HELLS: variants seen among roughly 807,000 people sequenced by gnomAD.
The protein encoded by HELLS is lymphoid-specific helicase.
HELLS carries 32 observed loss-of-function variants against 120.0 expected under a neutral mutation model. The observed-to-expected ratio is 0.27, with a 90% confidence interval of 0.20 to 0.36. HELLS has a LOEUF of 0.36. Ranked by LOEUF, HELLS falls within the 10% of genes least tolerant of loss-of-function variation. HELLS has a pLI of 1.00. For synonymous variants in HELLS, 341 were observed against 323.4 expected (o/e 1.05, Z -0.58); for missense variants, 650 against 993.4 (o/e 0.65, Z 4.65).
At chr10:94,557,106 G>C (rs529369388) in intron 3 of HELLS, 1 of 322,022 alleles carries the variant, frequency 3.1e-6, no homozygotes, top group Non-Finnish European at 6.4e-6. Context: ...TCTTTACCTT[G>C]TTCTGTTCTT....
chr10:94,605,078 C>G (rs953105019), downstream of HELLS, among the ~76,000 whole-genome samples: 30 of 127,584 alleles, frequency 2.4e-4, 3 homozygotes, highest in African/African-American at 8.1e-4. Flanking sequence ...TGTCTCCCCC[C>G]CCCCCCCTTT....
At chr10:94,555,082 G>T (rs772104722) in intron 3 of HELLS, among the ~76,000 whole-genome samples, 3 of 152,136 alleles carry the variant, frequency 2.0e-5, no homozygotes, top group Admixed American at 6.5e-5. Context: ...GATTGAGGCT[G>T]CAGTGAACTG....
Position 94,546,476 on chromosome 10 carries a change from G to C in HELLS, c.131G>C (p.Arg44Thr), listed in dbSNP as rs1414938106. ...EEQLEAAGLE[R>T]ERKMLEKARM... ...CAGCTTGAAGCTGCTGGACTAGAGA[G>C]AGAGCGGAAGATGCTGGAAAAGGTA... Residue 44 changes from arginine (R) to threonine (T), a missense_variant, in exon 2 of 22, where the codon AGA becomes ACA. This residue lies in a region of HELLS where 90 missense variants were observed against 93.6 expected (regional missense o/e 0.96). Transcript: ENST00000348459. 1.9e-6 allele frequency: 3 copies of C among 1,614,160 alleles called. No homozygotes were observed. Among genetic ancestry groups the C allele is most frequent in the Non-Finnish European group, 2.5e-6 (3 of 1,180,042 alleles).
chr10:94,594,529 A>G (rs914072062), intron 18 of HELLS, among the ~76,000 whole-genome samples, 166 bp from the exon 19 acceptor site: 1 of 152,104 alleles, frequency 6.6e-6, no homozygotes, highest in African/African-American at 2.4e-5. Context: ...ATTGTCAAGG[A>G]TCTGTGGAAT....
chr10:94,568,749 A>G (rs1408830815), intron 6 of HELLS, among the ~76,000 whole-genome samples: 2 of 152,192 alleles, frequency 1.3e-5, no homozygotes, highest in African/African-American at 2.4e-5. Context: ...AATCACTAAC[A>G]TTTTGGTATA....
chr10:94,589,165 A>T (rs758813699), intron 13 of HELLS, among the ~76,000 whole-genome samples: 6 of 152,220 alleles, frequency 3.9e-5, no homozygotes, highest in Non-Finnish European at 5.9e-5. Context: ...AATAAATAAA[A>T]AAAAAATGTA....
chr10:94,557,546 T>C (rs1478769403), intron 3 of HELLS, among the ~76,000 whole-genome samples: 1 of 152,220 alleles, frequency 6.6e-6, no homozygotes, highest in Non-Finnish European at 1.5e-5. Context: ...CTTTCTACTT[T>C]GGCTGAGAGA....
At chr10:94,596,286 A>G (rs1195775940) in intron 19 of HELLS, among the ~76,000 whole-genome samples, 5 of 152,172 alleles carry the variant, frequency 3.3e-5, no homozygotes, top group African/African-American at 9.7e-5. Context: ...CTATGTAACT[A>G]TCATCGAGAT....
intron 6 of HELLS, among the ~76,000 whole-genome samples, chr10:94,565,855 C>T (rs1238463699): frequency 6.6e-6 from 1 of 151,986 alleles, no homozygotes; most frequent in Admixed American, 6.6e-5. Context: ...TCACCTTAGC[C>T]TGCATACAGA....
At chr10:94,595,941 A>T (rs2134123483) in intron 19 of HELLS, among the ~76,000 whole-genome samples, 1 of 152,302 alleles carries the variant, frequency 6.6e-6, no homozygotes, top group Non-Finnish European at 1.5e-5. Context: ...AGACAAAATT[A>T]ATTTGGTGAA....
In HELLS at chr10:94,597,124, CT is replaced by C. The variant is rs756021887; in HGVS notation, c.2422+21del. ...AGTGATCTTATTGGTAAGTATTATG[CT>C]TTTTTTTAATGGAAGCTTCGAAACA... On this transcript the variant is annotated intron_variant, in intron 21 of 21. Transcript: ENST00000348459. The C allele has an allele frequency of 5.8e-5, 86 of 1,484,064 alleles. No homozygotes were observed. The highest frequency in any genetic ancestry group is 1.8e-4 in the Admixed American group (10 of 56,386). 91.9% of individuals were successfully genotyped at this position (1,484,064 alleles called of 1,614,324 possible).
intron 10 of HELLS, among the ~76,000 whole-genome samples, chr10:94,578,996 T>A (rs533248507): frequency 7.3e-4 from 111 of 152,250 alleles, no homozygotes; most frequent in Admixed American, 3.4e-3. Context: ...GAGGCTTCCC[T>A]CGCTCACAGC....
chr10:94,583,229 A>G (rs530802273), intron 12 of HELLS, among the ~76,000 whole-genome samples, 170 bp downstream of exon 12: 43 of 152,218 alleles, frequency 2.8e-4, no homozygotes, highest in South Asian at 1.5e-3. Flanking sequence ...TGGTTTTATG[A>G]CAGAACTCAA....
At chr10:94,605,084 C>T (rs1478633159), downstream of HELLS, among the ~76,000 whole-genome samples, 14 of 104,308 alleles carry the variant, frequency 1.3e-4, no homozygotes, top group African/African-American at 2.1e-4. Flanking sequence ...CCCCCCCCCC[C>T]CTTTTTTTTT....
chr10:94,553,917 A>G (rs1413811479), intron 2 of HELLS, among the ~76,000 whole-genome samples: 1 of 152,158 alleles, frequency 6.6e-6, no homozygotes, highest in African/African-American at 2.4e-5. Context: ...ATTTGAAATT[A>G]TAATATTTTG....
intron 18 of HELLS, 50 bp downstream of exon 18, chr10:94,593,665 A>ATTT: frequency 1.5e-5 from 13 of 870,138 alleles, no homozygotes; most frequent in Non-Finnish European, 2.2e-5. Context: ...TCCATTTTGA[A>ATTT]TTTTTTTTTT....
intron 12 of HELLS, 150 bp from the exon 13 acceptor site, chr10:94,588,079 G>A (rs565887602): frequency 1.6e-4 from 76 of 467,150 alleles, no homozygotes; most frequent in Admixed American, 1.2e-3. Context: ...GTCTGGTCTG[G>A]GAAAATCTCA....
chr10:94,554,790 T>C (rs1471946607), intron 3 of HELLS, among the ~76,000 whole-genome samples: 1 of 151,960 alleles, frequency 6.6e-6, no homozygotes, highest in Non-Finnish European at 1.5e-5. Flanking sequence ...GAAAAGAGAC[T>C]GAAAGTTAAC....
At position 94,593,515 on chromosome 10, in the gene HELLS, C is replaced by A; in HGVS notation, c.1988C>A (p.Thr663Lys). 1 of 1,611,500 alleles carries A rather than the reference C, an allele frequency of 6.2e-7. No individual in the cohort carries two copies. The highest frequency in any genetic ancestry group is 1.1e-5 in the South Asian group (1 of 91,030). ...EREKNMHSFN[T>K]DPEVFIFLVS... ...TGCTTTTAGATGCACAGCTTCAACA[C>A]GGATCCAGAGGTGTTTATCTTCTTA... The change falls in exon 18 of 22, where the codon ACG becomes AAG. Residue 663 changes from threonine to lysine, a missense_variant. Transcript: ENST00000348459.
Sources: allele counts gnomAD v4.1 joint callset (sites outside exome capture counted in the v4.1 genomes callset), GRCh38; gene constraint gnomAD v4.1.1; regional missense constraint gnomAD v4.1.1; transcripts MANE v1.5; gene names NCBI Gene and HGNC (gene_info 2026-07-23, HGNC 2026-07-21).